The following INPP4B variants were observed in gnomAD, a reference collection of about 807,000 sequenced individuals.
INPP4B encodes the protein inositol polyphosphate-4-phosphatase type II B.
In INPP4B, 55 loss-of-function variants were observed where a neutral mutation model predicts 122.5. That is an observed-to-expected ratio of 0.45 (90% CI 0.36 to 0.56). The LOEUF is 0.56. Ranked by LOEUF, INPP4B falls within the 20% of genes least tolerant of loss-of-function variation. INPP4B has a pLI of 0.00. For missense variants in INPP4B, 1,000 were observed against 1,097.7 expected (o/e 0.91, Z 1.26); for synonymous variants, 403 against 388.7 (o/e 1.04, Z -0.43).
At chr4:142,632,860 A>G (rs976965039) in intron 2 of INPP4B, among the ~76,000 whole-genome samples, 1 of 151,934 alleles carries the variant, frequency 6.6e-6, no homozygotes, top group Admixed American at 6.6e-5. Context: ...AAAAAATAAT[A>G]CTTCACTATA....
At chr4:142,563,393 T>C (rs558926282) in intron 2 of INPP4B, among the ~76,000 whole-genome samples, 18 of 152,120 alleles carry the variant, frequency 1.2e-4, no homozygotes, top group Non-Finnish European at 2.2e-4. Context: ...AATAGGCAAA[T>C]TGAAAAGGAA....
intron 5 of INPP4B, chr4:142,427,352 CTGT>C (rs1562075653): frequency 2.4e-6 from 1 of 424,862 alleles, no homozygotes; most frequent in Non-Finnish European, 4.1e-6. Context: ...ATAAAATTAT[CTGT>C]TGTTGTTTCT....
At chr4:142,185,099 A>G (rs1832580819) in intron 15 of INPP4B, among the ~76,000 whole-genome samples, 1 of 152,224 alleles carries the variant, frequency 6.6e-6, no homozygotes, top group East Asian at 1.9e-4. Flanking sequence ...TGCTAGGATT[A>G]TCTTAACCCA....
At chr4:142,379,003 CTT>C (rs1793052698) in intron 7 of INPP4B, among the ~76,000 whole-genome samples, 1 of 152,042 alleles carries the variant, frequency 6.6e-6, no homozygotes, top group Admixed American at 6.6e-5. Flanking sequence ...TGAGTTAGCT[CTT>C]GTTATTCTTA....
intron 1 of INPP4B, among the ~76,000 whole-genome samples, chr4:142,801,599 G>A (rs1170824230): frequency 1.3e-5 from 2 of 152,144 alleles, no homozygotes; most frequent in Non-Finnish European, 2.9e-5. Context: ...GGTTGTTTAA[G>A]CCACACAATC....
At chr4:142,730,366 T>C (rs1353300598) in intron 1 of INPP4B, among the ~76,000 whole-genome samples, 1 of 152,240 alleles carries the variant, frequency 6.6e-6, no homozygotes, top group Non-Finnish European at 1.5e-5. Flanking sequence ...CAATATGTCT[T>C]CTGGATATAC....
chr4:142,651,222 T>C (rs962621226), intron 2 of INPP4B, among the ~76,000 whole-genome samples: 1 of 152,116 alleles, frequency 6.6e-6, no homozygotes, highest in African/African-American at 2.4e-5. Context: ...GCTAAAGCCA[T>C]GTTTGGAGGA....
intron 2 of INPP4B, among the ~76,000 whole-genome samples, chr4:142,543,417 T>C (rs1482161275): frequency 4.6e-5 from 7 of 152,176 alleles, no homozygotes; most frequent in Non-Finnish European, 1.5e-5. Context: ...TAATTCCCCT[T>C]TAGCTTAATA....
chr4:142,370,321 G>C (rs763097155), intron 7 of INPP4B, among the ~76,000 whole-genome samples: 2 of 152,126 alleles, frequency 1.3e-5, no homozygotes, highest in Non-Finnish European at 2.9e-5. Context: ...ATAAATCTCT[G>C]TGGAGATTGT....
intron 2 of INPP4B, among the ~76,000 whole-genome samples, chr4:142,582,976 A>G (rs1735413057): frequency 6.6e-6 from 1 of 152,164 alleles, no homozygotes; most frequent in African/African-American, 2.4e-5. Flanking sequence ...ATTTATATTG[A>G]GTTTTATATA....
At chr4:142,706,008 A>G (rs1045392719) in intron 2 of INPP4B, among the ~76,000 whole-genome samples, 3 of 152,140 alleles carry the variant, frequency 2.0e-5, no homozygotes, top group African/African-American at 7.2e-5. Flanking sequence ...GTGACTCACC[A>G]GCTCCTTCAT....
intron 7 of INPP4B, among the ~76,000 whole-genome samples, chr4:142,376,873 C>A (rs1792079163): frequency 6.6e-6 from 1 of 151,938 alleles, no homozygotes; most frequent in African/African-American, 2.4e-5. Flanking sequence ...TATTGAGGAT[C>A]AAATGTGGTG....
chr4:142,818,837 T>C (rs1327542599), intron 1 of INPP4B, among the ~76,000 whole-genome samples: 1 of 152,206 alleles, frequency 6.6e-6, no homozygotes, highest in Non-Finnish European at 1.5e-5. Context: ...TCCTGTTTTA[T>C]TTTTATCTTC....
At chr4:142,290,195 C>CTT (rs35260066) in intron 9 of INPP4B, among the ~76,000 whole-genome samples, 2,466 of 77,510 alleles carry the variant, frequency 0.032, 496 homozygotes, top group African/African-American at 0.1. Context: ...TTCTTTCTTC[C>CTT]TTTTTTTTTT....
At chr4:142,236,457 G>C (rs948369204) in intron 12 of INPP4B, among the ~76,000 whole-genome samples, 1 of 152,112 alleles carries the variant, frequency 6.6e-6, no homozygotes, top group Non-Finnish European at 1.5e-5. Flanking sequence ...TCCTCTTGCA[G>C]TTGGCTCTTA....
At chr4:142,766,663 C>G (rs2150987192) in intron 1 of INPP4B, 1 of 152,086 alleles carries the variant, frequency 6.6e-6, no homozygotes, top group East Asian at 1.9e-4. Context: ...AGGCATGAAC[C>G]TTTATGCCCA....
intron 2 of INPP4B, among the ~76,000 whole-genome samples, chr4:142,559,414 A>G (rs2150112642): frequency 6.6e-6 from 1 of 152,232 alleles, no homozygotes; most frequent in Middle Eastern, 3.4e-3. Context: ...AAAAAATGAA[A>G]CTTGAGATTC....
chr4:142,659,578 A>C (rs1754786223), intron 2 of INPP4B, among the ~76,000 whole-genome samples: 1 of 152,074 alleles, frequency 6.6e-6, no homozygotes, highest in Non-Finnish European at 1.5e-5. Flanking sequence ...CAGAAACAAC[A>C]TGAGGGATGG....
At chr4:142,433,321 A>C (rs1809737179) in intron 3 of INPP4B, among the ~76,000 whole-genome samples, 1 of 152,168 alleles carries the variant, frequency 6.6e-6, no homozygotes, top group Non-Finnish European at 1.5e-5. Flanking sequence ...TGTATACCAC[A>C]AGCATACTTA....
Sources: gnomAD v4.1 joint callset for allele counts (sites outside exome capture counted in the v4.1 genomes callset) on GRCh38, gnomAD v4.1.1 for gene constraint, MANE v1.5 for transcripts, NCBI Gene and HGNC (gene_info 2026-07-23, HGNC 2026-07-21) for gene names.